Variants in LRRC28 observed in about 807,000 individuals in gnomAD.
The protein encoded by LRRC28 is leucine rich repeat containing 28.
LRRC28 carries 39 observed loss-of-function variants against 45.7 expected under a neutral mutation model. The observed-to-expected ratio is 0.85, with a 90% CI of 0.66 to 1.12. The LOEUF (loss-of-function observed/expected upper bound fraction) is 1.12. LRRC28 is among the 50% of genes most tolerant of loss of function. LRRC28 has a pLI of 0.00. For synonymous variants in LRRC28, 206 were observed against 178.8 expected, an observed-to-expected ratio of 1.15 and a Z score of -1.22; for missense variants, 435 against 438.5, an observed-to-expected ratio of 0.99 and a Z score of 0.07.
intron 3 of LRRC28, chr15:99,285,257 A>G (rs528384581): frequency 7.2e-5 from 53 of 734,704 alleles, no homozygotes; most frequent in Non-Finnish European, 1.1e-4. Context: ...GTCATCAACA[A>G]ATATCTTTTT....
At chr15:99,290,869 G>A (rs1391532594) in intron 5 of LRRC28, among the ~76,000 whole-genome samples, 1 of 152,056 alleles carries the variant, frequency 6.6e-6, no homozygotes, top group Non-Finnish European at 1.5e-5. Context: ...TGGGAGGCTG[G>A]GGCGGGAGAA....
At chr15:99,360,114 A>G (rs1957160698) in intron 7 of LRRC28, among the ~76,000 whole-genome samples, 1 of 152,160 alleles carries the variant, frequency 6.6e-6, no homozygotes, top group Non-Finnish European at 1.5e-5. Flanking sequence ...AATTAAAACC[A>G]TCTAACTTCA....
chr15:99,272,475 T>G (rs569633295), intron 2 of LRRC28, among the ~76,000 whole-genome samples: 16 of 152,236 alleles, frequency 1.1e-4, no homozygotes, highest in Non-Finnish European at 1.5e-4. Context: ...AAGTAGGTAA[T>G]GCACAGTGCC....
intron 7 of LRRC28, among the ~76,000 whole-genome samples, chr15:99,352,918 G>A (rs1956931907): frequency 6.6e-6 from 1 of 152,182 alleles, no homozygotes; most frequent in Non-Finnish European, 1.5e-5. Flanking sequence ...TGCAGTGACA[G>A]TCCTAGTGTC....
chr15:99,271,783 G>A (rs1205476944), intron 2 of LRRC28, among the ~76,000 whole-genome samples: 3 of 152,102 alleles, frequency 2.0e-5, no homozygotes, highest in African/African-American at 7.2e-5. Flanking sequence ...ATTTTTAGTA[G>A]AGATGAGGTT....
At chr15:99,259,071 A>G in intron 2 of LRRC28, 2 of 1,035,050 alleles carry the variant, frequency 1.9e-6, no homozygotes, top group Non-Finnish European at 3.1e-6. Context: ...ACTTTTTGGA[A>G]AGAATTTGGT....
At chr15:99,340,956 AATG>A (rs1315058870) in intron 6 of LRRC28, among the ~76,000 whole-genome samples, 1 of 152,152 alleles carries the variant, frequency 6.6e-6, no homozygotes, top group Non-Finnish European at 1.5e-5. Context: ...AGAGCTCTGG[AATG>A]CAAATTTTGT....
intron 5 of LRRC28, among the ~76,000 whole-genome samples, chr15:99,290,996 T>C (rs2082108312): frequency 6.6e-6 from 1 of 152,132 alleles, no homozygotes; most frequent in Non-Finnish European, 1.5e-5. Flanking sequence ...AATTCTGTGA[T>C]AAACCATTGT....
chr15:99,363,669 T>C (rs1024578379), intron 9 of LRRC28, among the ~76,000 whole-genome samples: 2 of 152,234 alleles, frequency 1.3e-5, no homozygotes, highest in African/African-American at 4.8e-5. Flanking sequence ...TCTGTATGTG[T>C]GTGTGTTTGT....
intron 3 of LRRC28, among the ~76,000 whole-genome samples, chr15:99,279,960 A>G (rs1322390582): frequency 1.3e-5 from 2 of 152,154 alleles, no homozygotes; most frequent in Non-Finnish European, 2.9e-5. Context: ...GCGTCCGCAC[A>G]TCTTACCAGC....
intron 1 of LRRC28, among the ~76,000 whole-genome samples, chr15:99,255,696 C>T (rs941225563): frequency 5.9e-5 from 9 of 152,026 alleles, no homozygotes; most frequent in African/African-American, 2.2e-4. Flanking sequence ...ATTGCTTAAT[C>T]AGAGTATTTT....
intron 6 of LRRC28, among the ~76,000 whole-genome samples, chr15:99,335,488 A>G (rs1211777010): frequency 6.6e-6 from 1 of 152,212 alleles, no homozygotes; most frequent in Non-Finnish European, 1.5e-5. Context: ...ACCATATCTG[A>G]CTTAAAAAAT....
chr15:99,351,100 C>T (rs1225074688), intron 6 of LRRC28, among the ~76,000 whole-genome samples: 1 of 152,068 alleles, frequency 6.6e-6, no homozygotes, highest in Non-Finnish European at 1.5e-5. Flanking sequence ...CCACCCCCCA[C>T]CCCTGCCATA....
intron 5 of LRRC28, chr15:99,333,670 T>C: frequency 1.9e-6 from 1 of 524,436 alleles, no homozygotes; most frequent in Non-Finnish European, 3.4e-6. Flanking sequence ...GACTCACCAC[T>C]TTGTGTCTCT....
chr15:99,334,624 C>T (rs1956264895), intron 6 of LRRC28, among the ~76,000 whole-genome samples: 1 of 152,050 alleles, frequency 6.6e-6, no homozygotes. Flanking sequence ...AAATGTCAGC[C>T]TGGCTAAAAA....
chr15:99,258,849 A>G (rs968279559), intron 2 of LRRC28: 8 of 703,264 alleles, frequency 1.1e-5, no homozygotes, highest in South Asian at 5.5e-5. Flanking sequence ...ATTAAGCTCT[A>G]TGTGCGCTGT....
chr15:99,353,308 T>C (rs1464463245), intron 7 of LRRC28, among the ~76,000 whole-genome samples: 3 of 152,160 alleles, frequency 2.0e-5, no homozygotes, highest in African/African-American at 7.2e-5. Flanking sequence ...TGGCCCATGC[T>C]ATGAGTAGTT....
Position 99,273,655 on chromosome 15 carries a change from A to G in LRRC28, c.169-2921A>G, listed in dbSNP as rs751184804. The stretch of plus-strand genomic sequence containing the variant: ...GTTAATAAAGACATAGAGATGCTCT[A>G]TTGGCAACAGAAGCATTATTTCAGT... On this transcript the variant is annotated intron_variant, in intron 2 of 9. Transcript: ENST00000301981. Among the ~76,000 whole-genome samples the G allele has an allele frequency of 5.3e-5, 8 of 152,250 alleles. 1 individual carries two copies. The highest frequency in any genetic ancestry group is 2.0e-4 in the Admixed American group (3 of 15,290).
intron 6 of LRRC28, among the ~76,000 whole-genome samples, chr15:99,341,424 T>C (rs754919912): frequency 3.3e-5 from 5 of 152,264 alleles, no homozygotes; most frequent in African/African-American, 7.2e-5. Flanking sequence ...GCTTTGTTTT[T>C]CTTTCATTGC....
Sources: allele counts gnomAD v4.1 joint callset (sites outside exome capture counted in the v4.1 genomes callset), GRCh38; gene constraint gnomAD v4.1.1; transcripts MANE v1.5; gene names NCBI Gene and HGNC (gene_info 2026-07-23, HGNC 2026-07-21).